Variants in SLC8A1 observed in about 807,000 individuals in gnomAD.
The protein encoded by SLC8A1 is sodium/calcium exchanger 1.
SLC8A1 carries 18 observed loss-of-function variants against 68.3 expected under a neutral mutation model. The ratio of observed to expected loss-of-function variants is 0.26; its 90% CI spans 0.18 to 0.39. The LOEUF is 0.39. Among genes scored for constraint, SLC8A1 ranks in the 10% least tolerant of loss-of-function variants. The pLI is 1.00. For synonymous variants in SLC8A1, 475 were observed against 415.5 expected (o/e 1.14, Z -1.74); for missense variants, 985 against 1,156.7 (o/e 0.85, Z 2.15).
exon 8 of SLC8A1, chr2:40,101,070 G>A (rs924536879): frequency 3.9e-5 from 6 of 152,102 alleles, no homozygotes; most frequent in Admixed American, 3.3e-4. Flanking sequence ...ACATGTGTGT[G>A]CACACATACA....
chr2:40,402,043 A>C (rs1263981969), intron 2 of SLC8A1, among the ~76,000 whole-genome samples: 1 of 152,164 alleles, frequency 6.6e-6, no homozygotes, highest in African/African-American at 2.4e-5. Context: ...AGACCTACAG[A>C]GCTGCATTCT....
chr2:40,409,061 C>T (rs929154016), intron 2 of SLC8A1, among the ~76,000 whole-genome samples: 6 of 152,014 alleles, frequency 3.9e-5, no homozygotes, highest in Non-Finnish European at 8.8e-5. Flanking sequence ...TACAAATATA[C>T]CAATTCAAGA....
intron 2 of SLC8A1, among the ~76,000 whole-genome samples, chr2:40,381,370 A>G (rs574428283): frequency 6.6e-6 from 1 of 152,178 alleles, no homozygotes; most frequent in Non-Finnish European, 1.5e-5. Flanking sequence ...TAAAGTAAGT[A>G]TAACAAGATT....
chr2:40,404,975 C>T (rs1689872110), intron 2 of SLC8A1, among the ~76,000 whole-genome samples: 1 of 152,066 alleles, frequency 6.6e-6, no homozygotes, highest in South Asian at 2.1e-4. Flanking sequence ...TACTTGTATC[C>T]AGAAGTGGAT....
intron 2 of SLC8A1, among the ~76,000 whole-genome samples, chr2:40,351,350 C>G (rs1157157584): frequency 6.6e-6 from 1 of 152,048 alleles, no homozygotes; most frequent in Non-Finnish European, 1.5e-5. Context: ...TTCCCATCTC[C>G]CTGGTTAAGA....
At chr2:40,222,351 C>G (rs1024920962) in intron 2 of SLC8A1, among the ~76,000 whole-genome samples, 1 of 152,114 alleles carries the variant, frequency 6.6e-6, no homozygotes, top group African/African-American at 2.4e-5. Context: ...GGACCACTTC[C>G]TTATACCTTA....
chr2:40,153,286 A>G (rs1032760750), intron 6 of SLC8A1, among the ~76,000 whole-genome samples: 1 of 152,184 alleles, frequency 6.6e-6, no homozygotes, highest in African/African-American at 2.4e-5. Flanking sequence ...ACAACTCACA[A>G]GGTCATCTCT....
chr2:40,219,687 C>A (rs189453764), intron 2 of SLC8A1, among the ~76,000 whole-genome samples: 181 of 152,200 alleles, frequency 1.2e-3, no homozygotes, highest in Admixed American at 2.0e-3. Context: ...GCCAATCAAA[C>A]AAGCAAAGGT....
At chr2:40,388,655 G>C (rs899608499) in intron 2 of SLC8A1, among the ~76,000 whole-genome samples, 5 of 152,116 alleles carry the variant, frequency 3.3e-5, no homozygotes, top group African/African-American at 1.2e-4. Context: ...GAAATTTTCT[G>C]TTTATAAATT....
intron 4 of SLC8A1, among the ~76,000 whole-genome samples, chr2:40,166,940 T>A (rs1341901821): frequency 6.6e-6 from 1 of 152,206 alleles, no homozygotes; most frequent in Non-Finnish European, 1.5e-5. Context: ...AGAATATTTA[T>A]TATGGCCTTC....
chr2:40,389,552 C>T (rs1019043111), intron 2 of SLC8A1, among the ~76,000 whole-genome samples: 24 of 151,704 alleles, frequency 1.6e-4, no homozygotes, highest in African/African-American at 5.6e-4. Flanking sequence ...ACCAAAAATC[C>T]CAAGTCTACC....
At chr2:40,127,320 C>T (rs2038330012) in intron 7 of SLC8A1, among the ~76,000 whole-genome samples, 1 of 152,094 alleles carries the variant, frequency 6.6e-6, no homozygotes, top group African/African-American at 2.4e-5. Flanking sequence ...CCATTTCTCC[C>T]CAAAGCACAG....
chr2:40,393,326 G>A (rs535176628), intron 2 of SLC8A1, among the ~76,000 whole-genome samples: 11 of 152,184 alleles, frequency 7.2e-5, no homozygotes, highest in Non-Finnish European at 1.5e-4. Flanking sequence ...CTCAAAGCAT[G>A]TGCATTAAGA....
chr2:40,170,498 C>G lies in SLC8A1; in HGVS notation c.1930+4327G>C, dbSNP rs191702152. The G allele has an allele frequency of 7.2e-5, 47 of 655,416 alleles. No individual in the cohort carries two copies. In the African/African-American group the frequency reaches 8.1e-4, roughly 11 times the overall value. The allele number at this position is 655,416 out of a possible 1,614,324, so 40.6% of individuals were successfully genotyped here. ...GGGATTCAATGATCATAGGTCACCC[C>G]TAGGTAGGTCACAGAAGGGAGCTCT... On this transcript the variant is annotated intron_variant, in intron 4 of 7. Coordinates refer to ENST00000406785, the Ensembl canonical transcript of SLC8A1.
chr2:40,238,523 G>A (rs1278340355), intron 2 of SLC8A1, among the ~76,000 whole-genome samples: 1 of 152,154 alleles, frequency 6.6e-6, no homozygotes, highest in Non-Finnish European at 1.5e-5. Flanking sequence ...CTAGTGAGAT[G>A]AACCCAGTAC....
chr2:40,128,033 T>C (rs1019325923), intron 7 of SLC8A1, among the ~76,000 whole-genome samples: 13 of 152,228 alleles, frequency 8.5e-5, no homozygotes, highest in Non-Finnish European at 1.5e-4. Flanking sequence ...ACACAGCTTA[T>C]GTTTCATTCC....
chr2:40,202,185 C>A (rs1340904058), intron 2 of SLC8A1, among the ~76,000 whole-genome samples: 1 of 151,924 alleles, frequency 6.6e-6, no homozygotes, highest in Non-Finnish European at 1.5e-5. Flanking sequence ...AAGAGTAGGT[C>A]AAAATGTTTA....
Position 40,441,395 on chromosome 2 carries a change from GAAA to G in SLC8A1, c.-25+10506_-25+10508del, listed in dbSNP as rs147850068. On this transcript the variant is annotated intron_variant, in intron 1 of 7. Coordinates refer to ENST00000406785, the Ensembl canonical transcript of SLC8A1. ...ACCATTGACTTTCTTCATAGAATTA[GAAA>G]AAAAAAAAAACTACTTTAAGTTTCA... Among the ~76,000 whole-genome samples, 6 of 141,628 alleles carry G rather than the reference GAAA, an allele frequency of 4.2e-5. No individual in the cohort carries two copies. In the South Asian group the frequency reaches 8.7e-4, roughly 20 times the overall value. The allele number at this position is 141,628 out of a possible 152,430, so 92.9% of individuals were successfully genotyped here.
At chr2:40,383,362 C>T (rs1682527506) in intron 2 of SLC8A1, among the ~76,000 whole-genome samples, 1 of 152,002 alleles carries the variant, frequency 6.6e-6, no homozygotes, top group Non-Finnish European at 1.5e-5. Flanking sequence ...TTTAGAATTG[C>T]TCTTATCCTT....
Sources: allele counts gnomAD v4.1 joint callset (sites outside exome capture counted in the v4.1 genomes callset), GRCh38; gene constraint gnomAD v4.1.1; transcripts MANE v1.5; gene names NCBI Gene and HGNC (gene_info 2026-07-23, HGNC 2026-07-21).